CDH4: variants seen among roughly 807,000 people sequenced by gnomAD.
CDH4 encodes cadherin 4, also known as cadherin-4.
In CDH4, 33 loss-of-function variants were observed where a neutral mutation model predicts 86.0. The observed-to-expected ratio is 0.38, with a 90% confidence interval of 0.29 to 0.51. The LOEUF is 0.51. Among genes scored for constraint, CDH4 ranks in the 20% least tolerant of loss-of-function variants. The pLI, the probability that CDH4 is intolerant of heterozygous loss-of-function variation, is 0.86. For synonymous variants in CDH4, 555 were observed against 549.4 expected (o/e 1.01, Z -0.14); for missense variants, 1,114 against 1,307.4 (o/e 0.85, Z 2.28).
chr20:61,840,916 G>A (rs1166864931), intron 4 of CDH4, among the ~76,000 whole-genome samples: 1 of 152,342 alleles, frequency 6.6e-6, no homozygotes, highest in East Asian at 1.9e-4. Flanking sequence ...AAGCAAATGC[G>A]GCCTGATGGC....
intron 2 of CDH4, among the ~76,000 whole-genome samples, chr20:61,615,965 C>T (rs557677966): frequency 1.4e-4 from 22 of 152,300 alleles, no homozygotes; most frequent in Admixed American, 9.8e-4. Flanking sequence ...GAGAGCAGAG[C>T]GGGCCCCCGT....
At chr20:61,883,824 G>A (rs1984407997) in intron 7 of CDH4, among the ~76,000 whole-genome samples, 1 of 152,178 alleles carries the variant, frequency 6.6e-6, no homozygotes, top group African/African-American at 2.4e-5. Context: ...CTAATCACCA[G>A]CAGTCATTCC....
intron 2 of CDH4, among the ~76,000 whole-genome samples, chr20:61,556,610 T>G (rs764799261): frequency 6.6e-6 from 1 of 152,088 alleles, no homozygotes; most frequent in African/African-American, 2.4e-5. Context: ...GGTCCAAAAT[T>G]CCCGTTTTCA....
intron 2 of CDH4, among the ~76,000 whole-genome samples, chr20:61,383,746 G>C (rs117842450): frequency 1.4e-5 from 1 of 70,608 alleles, no homozygotes; most frequent in Non-Finnish European, 2.7e-5. Context: ...TATATATGAA[G>C]ATATATGCAT....
chr20:61,553,983 A>G (rs2086154680), intron 2 of CDH4, among the ~76,000 whole-genome samples: 1 of 152,182 alleles, frequency 6.6e-6, no homozygotes, highest in Non-Finnish European at 1.5e-5. Context: ...TCCCTGTCCT[A>G]GGAGCTGGTC....
At chr20:61,604,553 A>T (rs2086627728) in intron 2 of CDH4, among the ~76,000 whole-genome samples, 1 of 151,484 alleles carries the variant, frequency 6.6e-6, no homozygotes, top group Non-Finnish European at 1.5e-5. Flanking sequence ...TGTAGAAATC[A>T]TCTCCCCACC....
chr20:61,501,167 A>G lies in CDH4; in HGVS notation c.170-242396A>G, dbSNP rs1481423675. ...GCCACATCCGCTCCTGCTCTGAGCT[A>G]CAATAGACTCAGGCTGGGGGAGGTG... On this transcript the variant is annotated intron_variant, in intron 2 of 15. Coordinates refer to ENST00000614565, the MANE Select transcript of CDH4 (RefSeq NM_001794.5). The surrounding 1 kb of genome is among the most constrained non-coding windows in gnomAD (Gnocchi z 4.2). 6.6e-6 allele frequency among the ~76,000 whole-genome samples: 1 copy of G among 152,218 alleles called. No homozygotes were observed.
intron 2 of CDH4, among the ~76,000 whole-genome samples, chr20:61,488,588 AT>A (rs1430990758): frequency 2.0e-5 from 3 of 152,202 alleles, no homozygotes; most frequent in African/African-American, 7.2e-5. Context: ...TCTATAAAAA[AT>A]GTCGTGGGGC....
chr20:61,371,541 C>T (rs191385706), intron 2 of CDH4, among the ~76,000 whole-genome samples: 2 of 152,348 alleles, frequency 1.3e-5, no homozygotes, highest in African/African-American at 4.8e-5. Flanking sequence ...CCAGACAGCT[C>T]GTTTTTCTTC....
chr20:61,410,614 TCTTCCATTCCTCCCA>T (rs151336276), intron 2 of CDH4, among the ~76,000 whole-genome samples: 4,785 of 147,796 alleles, frequency 0.032, 394 homozygotes, highest in African/African-American at 0.12. Flanking sequence ...CATCCCTCCA[TCTTCCATTCCTCCCA>T]CTGGTCCATC....
intron 7 of CDH4, among the ~76,000 whole-genome samples, chr20:61,892,421 G>A (rs1321632814): frequency 1.3e-5 from 2 of 152,208 alleles, no homozygotes; most frequent in East Asian, 3.8e-4. Flanking sequence ...GGTTGGCAAG[G>A]GTTACAGACA....
chr20:61,578,980 T>G (rs1425393044), intron 2 of CDH4, among the ~76,000 whole-genome samples: 1 of 152,124 alleles, frequency 6.6e-6, no homozygotes, highest in Non-Finnish European at 1.5e-5. Context: ...ACCCCTGGGC[T>G]GGGATTGAGT....
intron 2 of CDH4, among the ~76,000 whole-genome samples, chr20:61,279,786 A>C (rs1166177210): frequency 6.6e-6 from 1 of 152,218 alleles, no homozygotes; most frequent in African/African-American, 2.4e-5. Flanking sequence ...AGCACAGCAC[A>C]TCTGCAGGCT....
At chr20:61,765,816 C>T (rs1406090889) in intron 3 of CDH4, among the ~76,000 whole-genome samples, 1 of 152,074 alleles carries the variant, frequency 6.6e-6, no homozygotes, top group Non-Finnish European at 1.5e-5. Flanking sequence ...GGCTCCCACC[C>T]TCCCATCTCA....
At chr20:61,612,816 C>T (rs1027947665) in intron 2 of CDH4, among the ~76,000 whole-genome samples, 5 of 152,110 alleles carry the variant, frequency 3.3e-5, no homozygotes, top group Admixed American at 1.3e-4. Flanking sequence ...CAGGGCTTGG[C>T]TTTGGCATTT....
At chr20:61,400,224 G>A (rs1399548153) in intron 2 of CDH4, among the ~76,000 whole-genome samples, 1 of 152,132 alleles carries the variant, frequency 6.6e-6, no homozygotes, top group Non-Finnish European at 1.5e-5. Flanking sequence ...AGAAACTCCT[G>A]GAGACCTGAA....
intron 2 of CDH4, among the ~76,000 whole-genome samples, chr20:61,352,686 G>GCC (rs2084719830): frequency 6.6e-6 from 1 of 152,186 alleles, no homozygotes; most frequent in Non-Finnish European, 1.5e-5. Context: ...GGATGGAGAT[G>GCC]TTCTCTAGGG....
intron 10 of CDH4, 26 bp from the exon 11 acceptor site, chr20:61,924,308 T>TCCCCCC: frequency 1.3e-6 from 1 of 757,712 alleles, no homozygotes. Context: ...CAGCCTTACC[T>TCCCCCC]CCCCCTGCAC....
At chr20:61,588,649 C>T (rs2253326) in intron 2 of CDH4, among the ~76,000 whole-genome samples, 110,277 of 151,952 alleles carry the variant, frequency 0.73, 40,327 homozygotes, top group East Asian at 0.8. Context: ...CACACTAGCC[C>T]GCTGCTCACC....
Sources: gnomAD v4.1 joint callset for allele counts (sites outside exome capture counted in the v4.1 genomes callset) on GRCh38, gnomAD v4.1.1 for gene constraint, Gnocchi (gnomAD v3.1) non-coding constraint, MANE v1.5 for transcripts, NCBI Gene and HGNC (gene_info 2026-07-23, HGNC 2026-07-21) for gene names.